Variants in GRM7 observed in about 807,000 individuals in gnomAD.
The protein encoded by GRM7 is metabotropic glutamate receptor 7.
GRM7 carries 35 observed loss-of-function variants against 84.5 expected under a neutral mutation model. That is an observed-to-expected ratio of 0.41 (90% CI 0.32 to 0.55). The LOEUF is 0.55. GRM7 is among the 20% of genes least tolerant of loss of function. The probability of loss-of-function intolerance (pLI) is 0.19; values close to 1 mark genes in which losing one functional copy is unlikely to be tolerated. For missense variants in GRM7, 1,003 were observed against 1,194.6 expected (o/e 0.84, Z 2.36); for synonymous variants, 487 against 455.1 (o/e 1.07, Z -0.89).
At chr3:7,680,601 C>A in intron 9 of GRM7, 1 of 330,250 alleles carries the variant, frequency 3.0e-6, no homozygotes, top group Non-Finnish European at 5.6e-6. Flanking sequence ...TCAGGTTGTT[C>A]TTTTCTTGCA....
intron 1 of GRM7, among the ~76,000 whole-genome samples, chr3:7,064,479 T>TATATATATATATACACACACAC: frequency 9.1e-5 from 9 of 99,384 alleles, no homozygotes; most frequent in Middle Eastern, 5.4e-3. Context: ...TATATATATA[T>TATATATATATATACACACACAC]ACACACATAT....
At chr3:7,285,760 C>G (rs1575120591) in intron 2 of GRM7, among the ~76,000 whole-genome samples, 1 of 152,044 alleles carries the variant, frequency 6.6e-6, no homozygotes, top group Non-Finnish European at 1.5e-5. Context: ...TAACCTTGAT[C>G]TGAGAGGAAA....
intron 4 of GRM7, among the ~76,000 whole-genome samples, chr3:7,333,250 T>G (rs1300562747): frequency 6.6e-6 from 1 of 152,154 alleles, no homozygotes; most frequent in Admixed American, 6.5e-5. Flanking sequence ...GAGTCCACTT[T>G]ACTCCCCTGC....
chr3:7,088,920 C>G (rs545858455), intron 1 of GRM7, among the ~76,000 whole-genome samples: 1 of 151,968 alleles, frequency 6.6e-6, no homozygotes, highest in African/African-American at 2.4e-5. Context: ...GGTATACATA[C>G]AGCTGTCCTC....
At chr3:7,468,487 T>A (rs1442229039) in intron 7 of GRM7, among the ~76,000 whole-genome samples, 1 of 152,296 alleles carries the variant, frequency 6.6e-6, no homozygotes, top group South Asian at 2.1e-4. Flanking sequence ...TAATAAATAA[T>A]ATATATAACA....
intron 4 of GRM7, among the ~76,000 whole-genome samples, chr3:7,315,142 A>T (rs1244799146): frequency 6.6e-6 from 1 of 152,184 alleles, no homozygotes; most frequent in Non-Finnish European, 1.5e-5. Context: ...AAACACTCCC[A>T]GTCTTTGCTG....
chr3:7,222,031 AC>A (rs1340102362), intron 2 of GRM7, among the ~76,000 whole-genome samples: 4 of 151,160 alleles, frequency 2.6e-5, no homozygotes, highest in African/African-American at 9.7e-5. Context: ...CTGGTTTCGA[AC>A]TCCTGACCTC....
intron 1 of GRM7, among the ~76,000 whole-genome samples, chr3:7,041,172 A>G (rs994466320): frequency 5.3e-5 from 8 of 152,202 alleles, no homozygotes; most frequent in Non-Finnish European, 1.2e-4. Flanking sequence ...GCACAAATAA[A>G]GTGAACACTT....
intron 5 of GRM7, among the ~76,000 whole-genome samples, chr3:7,417,542 A>C (rs1016039072): frequency 6.6e-6 from 1 of 152,152 alleles, no homozygotes; most frequent in African/African-American, 2.4e-5. Context: ...CTAGATTTTA[A>C]AACACTAGAA....
rs542561394 is a variant in GRM7, at chr3:6,956,345, T to C, written c.519+94438T>C. Among the ~76,000 whole-genome samples the C allele has an allele frequency of 2.6e-5, 4 of 152,212 alleles. 1 individual carries two copies. In the South Asian group the frequency reaches 8.3e-4, roughly 31 times the overall value. On this transcript the variant is annotated intron_variant, in intron 1 of 9. Coordinates refer to ENST00000357716, the MANE Select transcript of GRM7 (RefSeq NM_000844.4). ...TGGGGAGAGATGACAGTGTGCTGCC[T>C]GTTCACCCTCCCTCTGCTCTGATGT...
At position 7,631,860 on chromosome 3, in the gene GRM7, G is replaced by A. The variant is rs73810807; in HGVS notation, c.2452-48189G>A. Among the ~76,000 whole-genome samples, 704 of 152,298 alleles carry A rather than the reference G, an allele frequency of 4.6e-3. 4 individuals are homozygous for A. Among genetic ancestry groups the A allele is most frequent in the African/African-American group, 0.016 (649 of 41,572 alleles). Reference sequence around the variant, plus strand: ...ATACAGAGAAACTAACAAACAGAATGTGTGTGTCTGTGTGTGTATCTGTAA... The same window carrying A: ...ATACAGAGAAACTAACAAACAGAATATGTGTGTCTGTGTGTGTATCTGTAA... On this transcript the variant is annotated intron_variant, in intron 8 of 9. Transcript: ENST00000357716.
At chr3:7,566,110 T>TTG (rs1694251546) in intron 7 of GRM7, among the ~76,000 whole-genome samples, 3 of 27,490 alleles carry the variant, frequency 1.1e-4, no homozygotes, top group Admixed American at 7.6e-4. Context: ...GCTGTTTTTT[T>TTG]TTTTTTTTTT....
At chr3:7,344,438 G>C (rs979642900) in intron 4 of GRM7, among the ~76,000 whole-genome samples, 3 of 151,974 alleles carry the variant, frequency 2.0e-5, no homozygotes, top group Admixed American at 2.0e-4. Flanking sequence ...TCTTTTTATG[G>C]CTGCATAGTA....
intron 1 of GRM7, among the ~76,000 whole-genome samples, chr3:7,045,973 C>T (rs541288845): frequency 2.0e-5 from 3 of 152,192 alleles, no homozygotes; most frequent in East Asian, 1.9e-4. Context: ...TCTACCATAA[C>T]TGTACCAATT....
chr3:7,416,543 A>G (rs1278494074), intron 5 of GRM7, among the ~76,000 whole-genome samples: 1 of 152,118 alleles, frequency 6.6e-6, no homozygotes, highest in East Asian at 1.9e-4. Flanking sequence ...AACACCATGA[A>G]GTCTTTGGGG....
chr3:7,604,075 C>G (rs1468488483), intron 8 of GRM7, among the ~76,000 whole-genome samples: 2 of 149,552 alleles, frequency 1.3e-5, no homozygotes, highest in African/African-American at 2.5e-5. Flanking sequence ...GTTACAGAGT[C>G]ATAAAATTGT....
At chr3:7,177,340 TATTTC>T (rs1477034721) in intron 2 of GRM7, among the ~76,000 whole-genome samples, 1 of 152,220 alleles carries the variant, frequency 6.6e-6, no homozygotes, top group African/African-American at 2.4e-5. Context: ...GCACTGGTAT[TATTTC>T]TACTACCTAA....
intron 2 of GRM7, among the ~76,000 whole-genome samples, chr3:7,283,707 A>T (rs1308166559): frequency 3.9e-5 from 6 of 152,190 alleles, no homozygotes. Flanking sequence ...GAATCACTAC[A>T]CAATTATTTC....
intron 5 of GRM7, among the ~76,000 whole-genome samples, chr3:7,452,092 C>T (rs1356956382): frequency 6.6e-6 from 1 of 152,072 alleles, no homozygotes; most frequent in Non-Finnish European, 1.5e-5. Context: ...TATGTGAGAG[C>T]TGGGATTGTG....
Sources: gnomAD v4.1 joint callset for allele counts (sites outside exome capture counted in the v4.1 genomes callset) on GRCh38, gnomAD v4.1.1 for gene constraint, MANE v1.5 for transcripts, NCBI Gene and HGNC (gene_info 2026-07-23, HGNC 2026-07-21) for gene names.